PDE1A: variants seen among roughly 807,000 people sequenced by gnomAD.
PDE1A encodes dual specificity calcium/calmodulin-dependent 3',5'-cyclic nucleotide phosphodiesterase 1A.
A neutral mutation model predicts 61.7 loss-of-function variants in PDE1A; 35 were observed. The ratio of observed to expected loss-of-function variants is 0.57; its 90% CI spans 0.43 to 0.75. The LOEUF (loss-of-function observed/expected upper bound fraction) is 0.75. PDE1A is among the 30% of genes least tolerant of loss of function. The pLI is 0.00. For missense variants in PDE1A, 597 were observed against 630.6 expected (o/e 0.95, Z 0.57); for synonymous variants, 232 against 213.2 (o/e 1.09, Z -0.77).
At chr2:182,565,507 A>C in the PDE1A span, among the ~76,000 whole-genome samples, 1 of 152,104 alleles carries the variant, frequency 6.6e-6, no homozygotes, top group Non-Finnish European at 1.5e-5. Flanking sequence ...GTCAGGGATC[A>C]GGGACCCACT....
chr2:182,152,886 C>A (rs1690868479), intron 13 of PDE1A, among the ~76,000 whole-genome samples: 1 of 152,178 alleles, frequency 6.6e-6, no homozygotes, highest in Non-Finnish European at 1.5e-5. Flanking sequence ...CCAAAATGTG[C>A]TAGCTCCAAC....
chr2:182,656,868 T>G, the PDE1A span, among the ~76,000 whole-genome samples: 1 of 152,198 alleles, frequency 6.6e-6, no homozygotes, highest in African/African-American at 2.4e-5. Flanking sequence ...ATTAGTCATT[T>G]TCTTCTTTTC....
chr2:182,649,234 C>CG, the PDE1A span, among the ~76,000 whole-genome samples: 2 of 152,136 alleles, frequency 1.3e-5, no homozygotes, highest in African/African-American at 4.8e-5. Flanking sequence ...CACTGCCTGG[C>CG]GACAGGGTAT....
the PDE1A span, among the ~76,000 whole-genome samples, chr2:182,688,670 A>T: frequency 7.2e-5 from 11 of 152,348 alleles, no homozygotes; most frequent in Admixed American, 2.0e-4. Flanking sequence ...TCAAATTCAC[A>T]CATAACAATA....
chr2:182,678,174 C>T, the PDE1A span, among the ~76,000 whole-genome samples: 1 of 152,208 alleles, frequency 6.6e-6, no homozygotes, highest in African/African-American at 2.4e-5. Flanking sequence ...CCTGTAATCC[C>T]AGCACTTTGG....
chr2:182,448,510 G>A (rs867995739), intron 2 of PDE1A, among the ~76,000 whole-genome samples: 4 of 152,138 alleles, frequency 2.6e-5, no homozygotes, highest in Middle Eastern at 3.4e-3. Flanking sequence ...TTGGGTTATG[G>A]ACCATTCTGC....
At chr2:182,446,251 T>G (rs189191704) in intron 2 of PDE1A, among the ~76,000 whole-genome samples, 77 of 152,250 alleles carry the variant, frequency 5.1e-4, no homozygotes, top group Non-Finnish European at 7.4e-4. Context: ...CCACATCTCC[T>G]GCCTAGAAGA....
At chr2:182,418,360 C>G (rs938942497) in intron 1 of PDE1A, among the ~76,000 whole-genome samples, 6 of 152,112 alleles carry the variant, frequency 3.9e-5, no homozygotes, top group African/African-American at 1.4e-4. Flanking sequence ...AACGTTTTTA[C>G]TTTTTAACTT....
chr2:182,391,132 G>A (rs1701395809), intron 1 of PDE1A, among the ~76,000 whole-genome samples: 1 of 152,086 alleles, frequency 6.6e-6, no homozygotes, highest in Admixed American at 6.6e-5. Context: ...GGATATTAAG[G>A]GTGTGAGATA....
Position 182,168,475 on chromosome 2 carries a change from A to G in PDE1A, c.1517-185T>C, listed in dbSNP as rs2276612. Reference sequence around the variant, plus strand: ...TTAATATACTTTGCTTTTGCTATTGAAACTTTTGTGATTCTTGTATTCATC... The same window carrying G: ...TTAATATACTTTGCTTTTGCTATTGGAACTTTTGTGATTCTTGTATTCATC... On this transcript the variant is annotated intron_variant, in intron 13 of 13. Coordinates refer to ENST00000351439, the Ensembl canonical transcript of PDE1A. Among the ~76,000 whole-genome samples the G allele has an allele frequency of 0.27, 41,544 of 151,900 alleles. 6,275 individuals are homozygous for G. Among genetic ancestry groups the G allele is most frequent in the Non-Finnish European group, 0.33 (22,235 of 67,904 alleles).
At chr2:182,666,625 T>C in the PDE1A span, among the ~76,000 whole-genome samples, 1 of 150,374 alleles carries the variant, frequency 6.7e-6, no homozygotes, top group Non-Finnish European at 1.5e-5. Flanking sequence ...AAAAAAAAAT[T>C]ATAGACAATA....
the PDE1A span, among the ~76,000 whole-genome samples, chr2:182,628,267 A>C: frequency 2.0e-5 from 3 of 152,208 alleles, no homozygotes; most frequent in Non-Finnish European, 4.4e-5. Flanking sequence ...GGATCTAAAA[A>C]CTTCCAGCAG....
chr2:182,151,769 C>A (rs1236717660), intron 13 of PDE1A, among the ~76,000 whole-genome samples: 2 of 152,136 alleles, frequency 1.3e-5, no homozygotes, highest in Non-Finnish European at 2.9e-5. Flanking sequence ...ATTAAAAGAT[C>A]ATTTCTCATG....
intron 1 of PDE1A, among the ~76,000 whole-genome samples, chr2:182,359,400 G>A (rs16823124): frequency 0.27 from 41,178 of 151,926 alleles, 6,104 homozygotes; most frequent in East Asian, 0.42. Flanking sequence ...TTTATTGAGC[G>A]ACTTTATAAC....
At chr2:182,678,201 G>A in the PDE1A span, among the ~76,000 whole-genome samples, 1 of 152,186 alleles carries the variant, frequency 6.6e-6, no homozygotes, top group Non-Finnish European at 1.5e-5. Flanking sequence ...AAGGCAGGCG[G>A]ATCATGAGGT....
chr2:182,180,263 A>T (rs1348883263), intron 13 of PDE1A, among the ~76,000 whole-genome samples: 1 of 152,194 alleles, frequency 6.6e-6, no homozygotes, highest in East Asian at 1.9e-4. Context: ...CATGTTAGAC[A>T]TAATCATAAT....
chr2:182,406,141 C>T (rs1702283928), intron 1 of PDE1A, among the ~76,000 whole-genome samples: 1 of 151,982 alleles, frequency 6.6e-6, no homozygotes, highest in South Asian at 2.1e-4. Context: ...ATTCTCACTT[C>T]AACTGTATAT....
the PDE1A span, among the ~76,000 whole-genome samples, chr2:182,534,835 T>C: frequency 6.6e-6 from 1 of 151,980 alleles, no homozygotes; most frequent in Non-Finnish European, 1.5e-5. Flanking sequence ...TGTTGCTCTT[T>C]TGCTTTAGAG....
chr2:182,538,550 A>C, the PDE1A span, among the ~76,000 whole-genome samples: 52,821 of 151,930 alleles, frequency 0.35, 10,725 homozygotes, highest in East Asian at 0.56. Context: ...TATTAGCCTC[A>C]TGCCATATAA....
Sources: gnomAD v4.1 joint callset for allele counts (sites outside exome capture counted in the v4.1 genomes callset) on GRCh38, gnomAD v4.1.1 for gene constraint, MANE v1.5 for transcripts, NCBI Gene and HGNC (gene_info 2026-07-23, HGNC 2026-07-21) for gene names.